MET: variants seen among roughly 807,000 people sequenced by gnomAD.
The protein encoded by MET is MET proto-oncogene, receptor tyrosine kinase.
Under a neutral mutation model 133.1 loss-of-function variants are expected in MET, and 48 were observed. That is an observed-to-expected ratio of 0.36 (90% CI 0.29 to 0.46). The LOEUF (loss-of-function observed/expected upper bound fraction) is 0.46, where lower values mean the gene tolerates loss of function less well. Ranked by LOEUF, MET falls within the 20% of genes least tolerant of loss-of-function variation. The probability of loss-of-function intolerance (pLI) is 1.00; values close to 1 mark genes in which losing one functional copy is unlikely to be tolerated. For missense variants in MET, 1,442 were observed against 1,695.9 expected (o/e 0.85, Z 2.63); for synonymous variants, 628 against 616.5 (o/e 1.02, Z -0.28).
chr7:116,752,957 C>G (rs1793987769), intron 5 of MET, among the ~76,000 whole-genome samples: 1 of 152,138 alleles, frequency 6.6e-6, no homozygotes, highest in African/African-American at 2.4e-5. Flanking sequence ...GTCTTGTTCT[C>G]TCCTACTGGA....
intron 17 of MET, 58 bp from the exon 18 acceptor site, chr7:116,781,930 G>T: frequency 9.2e-7 from 1 of 1,084,116 alleles, no homozygotes; most frequent in Non-Finnish European, 1.4e-6. Context: ...GAATTCTAAG[G>T]TCAAAATTAG....
At chr7:116,723,860 G>T (rs1277052613) in intron 2 of MET, among the ~76,000 whole-genome samples, 1 of 152,218 alleles carries the variant, frequency 6.6e-6, no homozygotes, top group African/African-American at 2.4e-5. Context: ...CCAGCTGCAT[G>T]CTGGGAGAAC....
intron 5 of MET, among the ~76,000 whole-genome samples, chr7:116,744,348 A>G (rs749648392): frequency 1.3e-5 from 2 of 152,172 alleles, no homozygotes; most frequent in African/African-American, 2.4e-5. Context: ...AACATAAATG[A>G]CCTGATGGAG....
chr7:116,767,289 G>A (rs1394124974), intron 11 of MET, among the ~76,000 whole-genome samples: 1 of 152,186 alleles, frequency 6.6e-6, no homozygotes, highest in African/African-American at 2.4e-5. Flanking sequence ...GTCACACCTG[G>A]CCAGGGTTGG....
chr7:116,775,625 T>C (rs909726407), intron 15 of MET, among the ~76,000 whole-genome samples: 1 of 152,164 alleles, frequency 6.6e-6, no homozygotes, highest in African/African-American at 2.4e-5. Context: ...GAGAATTGCT[T>C]GAACCCAGGA....
chr7:116,754,456 AGTAAAAGTC>A (rs957569916), intron 5 of MET, among the ~76,000 whole-genome samples: 1 of 152,146 alleles, frequency 6.6e-6, no homozygotes, highest in African/African-American at 2.4e-5. Flanking sequence ...GTTATGAGCA[AGTAAAAGTC>A]TGGGCCCAAC....
At position 116,796,086 on chromosome 7, in the gene MET, G is replaced by A. The variant is rs1554402266; in HGVS notation, c.4135G>A (p.Val1379Met). The change falls in exon 21 of 21, where the codon GTG (valine) becomes ATG (methionine). Residue 1379 changes from valine to methionine, a missense_variant. Val to Met is a conservative substitution (Grantham distance 21, BLOSUM62 1). Transcript: ENST00000397752. ...LSSEDNADDE[V>M]DTRPASFWET... ...ATCAGAAGATAACGCTGATGATGAG[G>A]TGGACACACGACCAGCCTCCTTCTG... 2 of 1,614,104 alleles carry A rather than the reference G, an allele frequency of 1.2e-6. No homozygotes were observed. The highest frequency in any genetic ancestry group is 1.7e-6 in the Non-Finnish European group (2 of 1,180,012).
rs753958204 is a variant in MET, at chr7:116,757,647, A to T, written c.1975A>T (p.Ile659Leu). 1.8e-5 allele frequency: 29 copies of T among 1,613,898 alleles called. No homozygotes were observed. In the African/African-American group the frequency reaches 3.7e-4, roughly 21 times the overall value. Residue 659 changes from isoleucine (I) to leucine (L), a missense_variant, in exon 8 of 21, where the codon ATA (isoleucine) becomes TTA (leucine). Around this residue, in one of 6 missense-constraint regions of MET, gnomAD observed 514 missense variants for 659.6 expected, o/e 0.78. Transcript: ENST00000397752. ...YSTFSYVDPV[I>L]TSISPKYGPM... is the part of the protein sequence containing the mutation. ...TTTATCTCCCCTCCAGGATCCTGTAATAACAAGTATTTCGCCGAAATACGG... is the reference window on the plus strand; with the variant it reads ...TTTATCTCCCCTCCAGGATCCTGTATTAACAAGTATTTCGCCGAAATACGG...
At chr7:116,757,096 A>C (rs988565673) in intron 6 of MET, among the ~76,000 whole-genome samples, 3 of 151,962 alleles carry the variant, frequency 2.0e-5, no homozygotes, top group South Asian at 4.1e-4. Context: ...TTTTTAATTA[A>C]CCAGATGCCG....
chr7:116,775,958 A>G (rs1193014160), intron 15 of MET, among the ~76,000 whole-genome samples: 1 of 152,226 alleles, frequency 6.6e-6, no homozygotes, highest in African/African-American at 2.4e-5. Context: ...GAATATTTGT[A>G]ATAAGCTAGC....
At chr7:116,678,914 A>G (rs1193628982) in intron 1 of MET, among the ~76,000 whole-genome samples, 1 of 152,138 alleles carries the variant, frequency 6.6e-6, no homozygotes, top group African/African-American at 2.4e-5. Context: ...TTTGTTCCAG[A>G]AAAAAATAGG....
intron 10 of MET, 55 bp downstream of exon 10, chr7:116,759,545 A>G (rs766127293): frequency 1.3e-5 from 21 of 1,581,338 alleles, no homozygotes; most frequent in South Asian, 9.2e-5. Context: ...GCCTCTAACC[A>G]TGTGGCTTTC....
At chr7:116,773,862 A>G (rs1794909011) in intron 14 of MET, among the ~76,000 whole-genome samples, 1 of 152,218 alleles carries the variant, frequency 6.6e-6, no homozygotes, top group Non-Finnish European at 1.5e-5. Flanking sequence ...TAGTCAAGGT[A>G]CTAACAGCAT....
At chr7:116,710,448 A>T (rs1169715802) in intron 2 of MET, among the ~76,000 whole-genome samples, 2 of 152,200 alleles carry the variant, frequency 1.3e-5, no homozygotes, top group Non-Finnish European at 2.9e-5. Flanking sequence ...TTCTGTCTAG[A>T]TTCTTTTTAA....
rs1795678838 is a variant in MET, at chr7:116,796,351, A to G, written c.*227A>G. 1 of 571,746 alleles carries G rather than the reference A, an allele frequency of 1.7e-6. No homozygotes were observed. Among genetic ancestry groups the G allele is most frequent in the Non-Finnish European group, 3.1e-6 (1 of 319,476 alleles). 35.4% of individuals were successfully genotyped at this position (571,746 alleles called of 1,614,324 possible). A position where few individuals can be genotyped will look rare whatever the true frequency, so the allele number is the denominator to read the frequency against. On this transcript the variant is annotated 3_prime_UTR_variant, in exon 21 of 21. Coordinates refer to ENST00000397752, the MANE Select transcript of MET (RefSeq NM_000245.4). ...GGACCAATGGCCTGCAGCCGTGACA[A>G]CACTCCTGTCATATTGGAGTCCAAA... is the stretch of plus-strand genomic sequence containing the variant.
chr7:116,723,900 G>A (rs1792612482), intron 2 of MET, among the ~76,000 whole-genome samples: 1 of 152,178 alleles, frequency 6.6e-6, no homozygotes, highest in Non-Finnish European at 1.5e-5. Flanking sequence ...GTCAGACAGG[G>A]ACATTTAAGT....
chr7:116,701,468 C>T (rs1435104476), intron 2 of MET, among the ~76,000 whole-genome samples: 1 of 152,116 alleles, frequency 6.6e-6, no homozygotes, highest in African/African-American at 2.4e-5. Flanking sequence ...ATGTCTGGGA[C>T]ACTTCTCTAG....
chr7:116,776,865 G>GATTACGT (rs1412575531), intron 15 of MET, among the ~76,000 whole-genome samples: 5 of 152,168 alleles, frequency 3.3e-5, no homozygotes, highest in African/African-American at 1.2e-4. Flanking sequence ...TGCCAACCTG[G>GATTACGT]ATTACGTATT....
chr7:116,708,496 G>T (rs922476976), intron 2 of MET, among the ~76,000 whole-genome samples: 1 of 152,124 alleles, frequency 6.6e-6, no homozygotes, highest in Non-Finnish European at 1.5e-5. Flanking sequence ...CAATGCTGGA[G>T]AATTTAACTT....
Sources: allele counts gnomAD v4.1 joint callset (sites outside exome capture counted in the v4.1 genomes callset), GRCh38; gene constraint gnomAD v4.1.1; regional missense constraint gnomAD v4.1.1; transcripts MANE v1.5; gene names NCBI Gene and HGNC (gene_info 2026-07-23, HGNC 2026-07-21).